GRIPAP1: variants seen among roughly 807,000 people sequenced by gnomAD.
The protein encoded by GRIPAP1 is GRIP1 associated protein 1, also known as GRIP1-associated protein 1.
Under a neutral mutation model 84.1 loss-of-function variants are expected in GRIPAP1, and 14 were observed. The observed-to-expected ratio is 0.17, with a 90% CI of 0.11 to 0.26. The LOEUF is 0.26. GRIPAP1 is among the 10% of genes least tolerant of loss of function. The pLI is 1.00. For synonymous variants in GRIPAP1, 261 were observed against 256.8 expected (o/e 1.02, Z -0.15); for missense variants, 518 against 674.2 (o/e 0.77, Z 2.57).
intron 5 of GRIPAP1, among the ~76,000 whole-genome samples, chrX:48,994,673 A>AC (rs2064538065): frequency 8.9e-6 from 1 of 111,839 alleles, no homozygotes; most frequent in Non-Finnish European, 1.9e-5. Flanking sequence ...CTGTCACAGC[A>AC]CTGTTCATTT....
At chrX:48,988,577 G>A (rs781834677) in intron 11 of GRIPAP1, 36 of 167,395 alleles carry the variant, frequency 2.2e-4, no homozygotes, top group African/African-American at 1.0e-3. Flanking sequence ...ACCCAAGGAT[G>A]ACAGTTTCAC....
chrX:48,990,494 T>C (rs1557065147), intron 8 of GRIPAP1, among the ~76,000 whole-genome samples, 191 bp downstream of exon 8: 2 of 112,152 alleles, frequency 1.8e-5, no homozygotes, highest in Non-Finnish European at 3.8e-5. Context: ...GCACAAGATA[T>C]AGTGGGACCA....
chrX:48,985,369 G>A lies in GRIPAP1; in HGVS notation c.1075C>T (p.Leu359Phe). The A allele has an allele frequency of 1.7e-6, 2 of 1,209,249 alleles. No homozygotes were observed. The highest frequency in any genetic ancestry group is 4.6e-4 in the Middle Eastern group (2 of 4,319). ...GCCAGCCCAGTGGTCTGTTCCCGGAGCATATTCAGTTCTTGGGTCTTTGCT... is the reference window on the plus strand; with the variant it reads ...GCCAGCCCAGTGGTCTGTTCCCGGAACATATTCAGTTCTTGGGTCTTTGCT... Reference protein sequence around the residue: ...QTAKTQELNMLREQTTGLAAE... With the variant: ...QTAKTQELNMFREQTTGLAAE... The change falls in exon 14 of 26, where the codon CTC (leucine) becomes TTC (phenylalanine). Residue 359 changes from leucine to phenylalanine, a missense_variant. Physicochemically the swap from Leu to Phe is conservative, Grantham distance 22. Transcript: ENST00000376423.
intron 1 of GRIPAP1, chrX:49,000,910 C>T (rs1256585253): frequency 3.6e-5 from 4 of 110,253 alleles, no homozygotes; most frequent in African/African-American, 9.9e-5. Context: ...TTCACAGAAT[C>T]TTTCCTACTC....
At chrX:48,999,634 C>T in intron 1 of GRIPAP1, 130 bp from the exon 2 acceptor site, 1 of 469,437 alleles carries the variant, frequency 2.1e-6, no homozygotes, top group Non-Finnish European at 3.7e-6. Context: ...TCCTTAAGAC[C>T]TGTATGTGCT....
At chrX:48,975,648 A>C (rs921207856) in intron 24 of GRIPAP1, 2 of 327,874 alleles carry the variant, frequency 6.1e-6, no homozygotes, top group Non-Finnish European at 1.1e-5. Flanking sequence ...AAGCAAAAGC[A>C]ATGAAGATAC....
At position 48,978,327 on chromosome X, in the gene GRIPAP1, T is replaced by C; in HGVS notation, c.2039A>G (p.Glu680Gly). ...TACCCTGGCTGGAACAGCCGAGCTC[T>C]CCTTTTCCCGCAAGATCTCCCGGTA... ...FSYREILREKESSAVPARSLS... is the reference protein window; with the variant it reads ...FSYREILREKGSSAVPARSLS... The change falls in exon 22 of 26, where the codon GAG becomes GGG. Residue 680 changes from glutamate to glycine, a missense_variant. Physicochemically the swap from Glu to Gly is moderately conservative, Grantham distance 98 (BLOSUM62 -2). This residue lies in a region of GRIPAP1 where 66 missense variants were observed against 65.2 expected (regional missense o/e 1.01). Coordinates refer to ENST00000376423, the MANE Select transcript of GRIPAP1 (RefSeq NM_020137.5). The C allele has an allele frequency of 8.3e-7, 1 of 1,209,645 alleles. No individual in the cohort carries two copies.
chrX:48,977,299 T>C (rs1364165703), intron 22 of GRIPAP1: 1 of 110,779 alleles, frequency 9.0e-6, no homozygotes, highest in African/African-American at 3.3e-5. Flanking sequence ...GAGAGAGAAT[T>C]CTGGAAGGGT....
At chrX:48,975,132 G>C (rs782558823) in intron 25 of GRIPAP1, 23 bp downstream of exon 25, 1 of 1,196,081 alleles carries the variant, frequency 8.4e-7, no homozygotes, top group Non-Finnish European at 1.1e-6. Context: ...GAACAGATGG[G>C]TAGGCTGGCA....
chrX:48,976,473 G>T, intron 22 of GRIPAP1, 110 bp from the exon 23 acceptor site: 2 of 930,960 alleles, frequency 2.1e-6, no homozygotes, highest in Middle Eastern at 4.2e-4. Flanking sequence ...GAGAGAACAT[G>T]GGCCCTGAAG....
At position 49,002,209 on chromosome X, in the gene GRIPAP1, C is replaced by G. The variant is rs370286663; in HGVS notation, c.21G>C (p.Glu7Asp). The G allele has an allele frequency of 5.1e-6, 6 of 1,176,135 alleles. No individual in the cohort carries two copies. In the African/African-American group the frequency reaches 8.9e-5, roughly 17 times the overall value. Residue 7 changes from glutamate to aspartate, a missense_variant, in exon 1 of 26, where the codon GAG (glutamate) becomes GAC (aspartate). Around this residue, in one of 5 missense-constraint regions of GRIPAP1, gnomAD observed 372 missense variants for 458.1 expected, o/e 0.81. Transcript: ENST00000376423. The part of the protein sequence containing the change: MAQALS[E>D]EEFQRMQAQL... ...GCACCTGCATCCGCTGAAACTCCTCCTCAGACAGAGCTTGCGCCATGTTCC... is the reference window on the plus strand; with the variant it reads ...GCACCTGCATCCGCTGAAACTCCTCGTCAGACAGAGCTTGCGCCATGTTCC...
intron 24 of GRIPAP1, 60 bp downstream of exon 24, chrX:48,975,958 G>A (rs1200956463): frequency 5.3e-6 from 5 of 948,552 alleles, no homozygotes; most frequent in Non-Finnish European, 7.6e-6. Context: ...AGCACAGAAT[G>A]GAGAGGGAGG....
chrX:48,988,918 C>A (rs1222432788), intron 11 of GRIPAP1, among the ~76,000 whole-genome samples: 1 of 110,873 alleles, frequency 9.0e-6, no homozygotes, highest in African/African-American at 3.3e-5. Context: ...GGACCTCAGA[C>A]TCACCTTTTC....
intron 6 of GRIPAP1, 59 bp downstream of exon 6, chrX:48,993,369 C>A: frequency 2.0e-6 from 2 of 1,007,814 alleles, no homozygotes; most frequent in Non-Finnish European, 2.6e-6. Flanking sequence ...AGGATGACGG[C>A]CTTCCTTGCC....
rs1557062761 is a variant in GRIPAP1 at position 48,983,327 on chromosome X, C to T, written c.1386G>A (p.Val462=). The T allele has an allele frequency of 6.6e-6, 8 of 1,210,628 alleles. No individual in the cohort carries two copies. In the South Asian group the frequency reaches 1.4e-4, roughly 21 times the overall value. The part of the protein sequence containing the change: ...GAVRLRHEKE[V]LGVRARYERE... ...GCTCATAGCGGGCACGCACCCCCAG[C>T]ACCTCCTTCTCATGCCGTAGACGAA... Residue 462 remains valine, a synonymous_variant, in exon 16 of 26, where the codon GTG becomes GTA. Transcript: ENST00000376423.
intron 9 of GRIPAP1, 35 bp downstream of exon 9, chrX:48,989,937 T>C: frequency 8.3e-7 from 1 of 1,202,888 alleles, no homozygotes; most frequent in Non-Finnish European, 1.1e-6. Flanking sequence ...AATTCCCCCC[T>C]CGGCCCCCAG....
chrX:48,990,717 C>T lies in GRIPAP1; in HGVS notation c.658G>A (p.Glu220Lys), dbSNP rs1307485994. The T allele has an allele frequency of 3.3e-6, 4 of 1,201,354 alleles. No individual in the cohort carries two copies. Among genetic ancestry groups the T allele is most frequent in the African/African-American group, 3.5e-5 (2 of 56,956 alleles). The change falls in exon 8 of 26, where the codon GAA becomes AAA. Residue 220 changes from glutamate to lysine, a missense_variant. This residue lies in a region of GRIPAP1 where 372 missense variants were observed against 458.1 expected (regional missense o/e 0.81). Coordinates refer to ENST00000376423, the MANE Select transcript of GRIPAP1 (RefSeq NM_020137.5). ...LQGLESSKQA[E>K]TSRLQEELAK... ...AGTTCCTCCTGCAGCCTGGATGTTT[C>T]GGCCTGCTTTGAGCTCTGCAGGGAA...
In GRIPAP1 at chrX:48,983,329, C is replaced by A. The variant is rs782440179; in HGVS notation, c.1384G>T (p.Val462Leu). The stretch of plus-strand genomic sequence containing the variant: ...TCATAGCGGGCACGCACCCCCAGCA[C>A]CTCCTTCTCATGCCGTAGACGAACT... ...GAVRLRHEKE[V>L]LGVRARYERE... is the part of the protein sequence containing the mutation. The change falls in exon 16 of 26, where the codon GTG (valine) becomes TTG (leucine). Residue 462 changes from valine to leucine, a missense_variant. Val to Leu is a conservative substitution (Grantham distance 32). Around this residue, in one of 5 missense-constraint regions of GRIPAP1, gnomAD observed 372 missense variants for 458.1 expected, o/e 0.81. Transcript: ENST00000376423. 19 of 1,210,634 alleles carry A rather than the reference C, an allele frequency of 1.6e-5. No individual in the cohort carries two copies. The highest frequency in any genetic ancestry group is 2.2e-5 in the Admixed American group (1 of 45,939).
intron 14 of GRIPAP1, among the ~76,000 whole-genome samples, chrX:48,984,775 C>G (rs1448800356): frequency 2.0e-5 from 2 of 101,595 alleles, no homozygotes; most frequent in African/African-American, 7.4e-5. Flanking sequence ...GTAATACCAG[C>G]ACTTCGGGAG....
Sources: allele counts gnomAD v4.1 joint callset (sites outside exome capture counted in the v4.1 genomes callset), GRCh38; gene constraint gnomAD v4.1.1; regional missense constraint gnomAD v4.1.1; transcripts MANE v1.5; gene names NCBI Gene and HGNC (gene_info 2026-07-23, HGNC 2026-07-21).